The following ZBTB4 variants were observed in gnomAD, a reference collection of about 807,000 sequenced individuals.
ZBTB4 encodes zinc finger and BTB domain containing 4, also known as zinc finger and BTB domain-containing protein 4.
In ZBTB4, 14 loss-of-function variants were observed where a neutral mutation model predicts 59.8. The ratio of observed to expected loss-of-function variants is 0.23; its 90% CI spans 0.15 to 0.37. The LOEUF (loss-of-function observed/expected upper bound fraction) is 0.37, where lower values mean the gene tolerates loss of function less well. ZBTB4 is among the 10% of genes least tolerant of loss of function. The pLI, the probability that ZBTB4 is intolerant of heterozygous loss-of-function variation, is 1.00. For missense variants in ZBTB4, 1,198 were observed against 1,380.8 expected (o/e 0.87, Z 2.10); for synonymous variants, 587 against 575.2 (o/e 1.02, Z -0.29).
In ZBTB4 at chr17:7,462,290, G is replaced by A. The variant is rs758932273; in HGVS notation, c.2692C>T (p.Pro898Ser). Residue 898 changes from proline (P) to serine (S), a missense_variant, in exon 4 of 4, where the codon CCA becomes TCA. This residue lies in a region of ZBTB4 where 211 missense variants were observed against 236.1 expected (regional missense o/e 0.89). Coordinates refer to ENST00000380599, the MANE Select transcript of ZBTB4 (RefSeq NM_001128833.2). This position sits in a 1 kb window ranked among gnomAD's most constrained non-coding sequence, Gnocchi z 7.5. Reference sequence around the variant, plus strand: ...CGGTCCCCCTCACCAGCCCCCACTGGCCCTTCACTCCCAGATTTTCCCCTG... The same window carrying A: ...CGGTCCCCCTCACCAGCCCCCACTGACCCTTCACTCCCAGATTTTCCCCTG... ...GGRGKSGSEG[P>S]VGAGEGDRME... 3 of 1,613,634 alleles carry A rather than the reference G, an allele frequency of 1.9e-6. No homozygotes were observed. In the South Asian group the frequency reaches 3.3e-5, roughly 18 times the overall value.
At chr17:7,469,584 G>A (rs923600498) in intron 1 of ZBTB4, among the ~76,000 whole-genome samples, 5 of 149,378 alleles carry the variant, frequency 3.3e-5, no homozygotes, top group Middle Eastern at 7.0e-3. Flanking sequence ...CCAATGTGGC[G>A]ATCTCTACTA....
chr17:7,482,762 G>C (rs1242920071), upstream of ZBTB4: 1 of 1,611,940 alleles, frequency 6.2e-7, no homozygotes, highest in Non-Finnish European at 8.5e-7. Context: ...GGGGGCAGTG[G>C]GGATCCTCGC....
chr17:7,476,483 A>T (rs1460484873), intron 1 of ZBTB4, among the ~76,000 whole-genome samples: 2 of 152,180 alleles, frequency 1.3e-5, no homozygotes, highest in African/African-American at 4.8e-5. Context: ...CCCAGTTTCT[A>T]AACAAATGAA....
rs57185120 is a variant in ZBTB4, at chr17:7,463,845, G to C, written c.1137C>G (p.Asn379Lys). Residue 379 changes from asparagine (N) to lysine (K), a missense_variant, in exon 4 of 4, where the codon AAC becomes AAG. Physicochemically the swap from Asn to Lys is moderately conservative, Grantham distance 94 (BLOSUM62 0). This residue lies in a region of ZBTB4 where 60 missense variants were observed against 93.0 expected (regional missense o/e 0.64). Transcript: ENST00000380599. The part of the protein sequence containing the change: ...FCWETFVTYY[N>K]LKTHQRAFHG... Reference sequence around the variant, plus strand: ...GGAAGGCTCGCTGGTGGGTCTTCAGGTTATAGTAAGTGACAAAGGTCTCCC... The same window carrying C: ...GGAAGGCTCGCTGGTGGGTCTTCAGCTTATAGTAAGTGACAAAGGTCTCCC... 6.2e-7 allele frequency: 1 copy of C among 1,614,050 alleles called. No individual in the cohort carries two copies. Among genetic ancestry groups the C allele is most frequent in the South Asian group, 1.1e-5 (1 of 91,088 alleles).
rs1368561351 is a variant in ZBTB4, at chr17:7,461,303, C to T, written c.*637G>A. On this transcript the variant is annotated 3_prime_UTR_variant, in exon 4 of 4. Coordinates refer to ENST00000380599, the MANE Select transcript of ZBTB4 (RefSeq NM_001128833.2). ...GACCTGGCTTGGGAGAGGCCATCTC[C>T]GAAGTCCAGGAATATGGGGAGGAAC... 2 of 152,682 alleles carry T rather than the reference C, an allele frequency of 1.3e-5. No homozygotes were observed. Among genetic ancestry groups the T allele is most frequent in the Admixed American group, 6.5e-5 (1 of 15,276 alleles). 9.5% of individuals were successfully genotyped at this position (152,682 alleles called of 1,614,324 possible).
chr17:7,481,450 C>G, upstream of ZBTB4: 1 of 1,414,396 alleles, frequency 7.1e-7, no homozygotes, highest in Non-Finnish European at 9.2e-7. Flanking sequence ...AACCATGTCA[C>G]AATGGCTGGA....
upstream of ZBTB4, chr17:7,482,447 A>G (rs1277796539): frequency 2.5e-6 from 4 of 1,614,016 alleles, no homozygotes; most frequent in South Asian, 4.4e-5. Context: ...CCAGGGTCTC[A>G]GTGGCTACGA....
chr17:7,481,441 AC>A, upstream of ZBTB4: 1 of 1,398,518 alleles, frequency 7.2e-7, no homozygotes, highest in Non-Finnish European at 9.3e-7. Context: ...CCCCACTCCA[AC>A]CATGTCACAA....
chr17:7,481,839 G>A (rs1048793431), upstream of ZBTB4: 1 of 1,157,268 alleles, frequency 8.6e-7, no homozygotes, highest in African/African-American at 1.6e-5. Context: ...TCATCTTTTA[G>A]GCCCTTTCTA....
At chr17:7,469,095 G>A (rs2070164996) in intron 1 of ZBTB4, among the ~76,000 whole-genome samples, 2 of 152,122 alleles carry the variant, frequency 1.3e-5, no homozygotes, top group Non-Finnish European at 2.9e-5. Flanking sequence ...AAGAGTCAGT[G>A]TTTTATTTGG....
intron 1 of ZBTB4, among the ~76,000 whole-genome samples, chr17:7,477,587 A>T (rs879812216): frequency 2.0e-4 from 30 of 152,280 alleles, no homozygotes; most frequent in Admixed American, 3.3e-4. Flanking sequence ...ACACACCCCT[A>T]GAAGGGCCCA....
chr17:7,477,204 CAG>C lies in ZBTB4; in HGVS notation c.-81+2250_-81+2251del, dbSNP rs201970861. Among the ~76,000 whole-genome samples the C allele has an allele frequency of 4.7e-3, 715 of 152,336 alleles. 8 individuals are homozygous for C. The highest frequency in any genetic ancestry group is 0.017 in the African/African-American group (692 of 41,568). ...ATTCCCAGTCCTGGGGGAGGGCTGA[CAG>C]GGGCTGGCATAGGCACAGCCCCCAG... is the stretch of plus-strand genomic sequence containing the variant. On this transcript the variant is annotated intron_variant, in intron 1 of 3. Coordinates refer to ENST00000380599, the MANE Select transcript of ZBTB4 (RefSeq NM_001128833.2).
In ZBTB4 at chr17:7,466,460, T is replaced by TGGAGGG. The variant is rs1411964555; in HGVS notation, c.336_341dup (p.Pro113_Pro114dup). ...GTGGGGAAGAAGCAGGGGGAGAGGC[T>TGGAGGG]GGAGGGGGAGAGGAAGAGGAAGAGG... On this transcript the variant is annotated inframe_insertion, in exon 3 of 4. Transcript: ENST00000380599. The surrounding 1 kb of genome is among the most constrained non-coding windows in gnomAD (Gnocchi z 9.1). 2 of 1,599,898 alleles carry TGGAGGG rather than the reference T, an allele frequency of 1.3e-6. No homozygotes were observed. Among genetic ancestry groups the TGGAGGG allele is most frequent in the African/African-American group, 2.8e-5 (2 of 71,266 alleles).
At chr17:7,481,535 AGGGG>A, upstream of ZBTB4, 1 of 1,546,670 alleles carries the variant, frequency 6.5e-7, no homozygotes, top group East Asian at 2.4e-5. Flanking sequence ...TGTGGGGGCC[AGGGG>A]CCTAGTACTC....
At chr17:7,473,703 C>T (rs866018491) in intron 1 of ZBTB4, among the ~76,000 whole-genome samples, 2 of 152,006 alleles carry the variant, frequency 1.3e-5, no homozygotes, top group Non-Finnish European at 2.9e-5. Flanking sequence ...TACCTGCCAC[C>T]ATGCCCAGAT....
In ZBTB4 at chr17:7,465,890, G is replaced by T. The variant is rs180908284; in HGVS notation, c.912C>A (p.Gly304=). Residue 304 remains glycine, a synonymous_variant, in exon 3 of 4, where the codon GGC becomes GGA. Coordinates refer to ENST00000380599, the MANE Select transcript of ZBTB4 (RefSeq NM_001128833.2). ...CCGCGCACACATACAGCACGTGGCC[G>T]CCCACCACCTTCACCACGTGCTCGG... is the stretch of plus-strand genomic sequence containing the variant. ...GGPEHVVKVV[G]GHVLYVCAAC... is the part of the protein sequence containing the mutation. 67 of 1,613,460 alleles carry T rather than the reference G, an allele frequency of 4.2e-5. No homozygotes were observed. Among genetic ancestry groups the T allele is most frequent in the East Asian group, 2.2e-4 (10 of 44,862 alleles).
intron 2 of ZBTB4, 172 bp downstream of exon 2, chr17:7,467,085 A>C (rs2150856194): frequency 1.1e-6 from 1 of 879,930 alleles, no homozygotes; most frequent in Middle Eastern, 5.8e-4. Context: ...CTGAAGTCAC[A>C]GACTAGAGAT....
Position 7,465,956 on chromosome 17 carries a change from G to C in ZBTB4, c.846C>G (p.Asp282Glu), listed in dbSNP as rs760988369. Residue 282 changes from aspartate to glutamate, a missense_variant, in exon 3 of 4, where the codon GAC becomes GAG. By Grantham distance (45) the Asp-to-Glu change is conservative. This residue lies in a region of ZBTB4 where 204 missense variants were observed against 205.5 expected (regional missense o/e 0.99). Transcript: ENST00000380599. ...CCACTGGTGGAGGCAGGGCTGAGGCGTCCACCCCTGCAGGACCACCAGGGC... is the reference window on the plus strand; with the variant it reads ...CCACTGGTGGAGGCAGGGCTGAGGCCTCCACCCCTGCAGGACCACCAGGGC... The part of the protein sequence containing the change: ...GAGPGGPAGV[D>E]ASALPPPVGF... 1.1e-5 allele frequency: 17 copies of C among 1,602,512 alleles called. No homozygotes were observed. The highest frequency in any genetic ancestry group is 2.2e-5 in the East Asian group (1 of 44,646).
chr17:7,460,528 A>G lies in ZBTB4; in HGVS notation c.*1412T>C, dbSNP rs2070005167. On this transcript the variant is annotated 3_prime_UTR_variant, in exon 4 of 4. Coordinates refer to ENST00000380599, the MANE Select transcript of ZBTB4 (RefSeq NM_001128833.2). Reference sequence around the variant, plus strand: ...TCCCATTTGTCAAATTTGCTCCCCCATACTGGCTCTCCCCTTGTGAGCTAT... The same window carrying G: ...TCCCATTTGTCAAATTTGCTCCCCCGTACTGGCTCTCCCCTTGTGAGCTAT... The G allele has an allele frequency of 6.6e-6, 1 of 151,994 alleles. No individual in the cohort carries two copies. Among genetic ancestry groups the G allele is most frequent in the Non-Finnish European group, 1.5e-5 (1 of 67,978 alleles). The allele number at this position is 151,994 out of a possible 1,614,324, so 9.4% of individuals were successfully genotyped here. A position where few individuals can be genotyped will look rare whatever the true frequency, so the allele number is the denominator to read the frequency against.
Sources: gnomAD v4.1 joint callset for allele counts (sites outside exome capture counted in the v4.1 genomes callset) on GRCh38, gnomAD v4.1.1 for gene constraint, gnomAD v4.1.1 regional missense constraint, Gnocchi (gnomAD v3.1) non-coding constraint, MANE v1.5 for transcripts, NCBI Gene and HGNC (gene_info 2026-07-23, HGNC 2026-07-21) for gene names.